Variants in CHRM2 observed in about 807,000 individuals in gnomAD.
The protein encoded by CHRM2 is cholinergic receptor muscarinic 2.
A neutral mutation model predicts 25.0 loss-of-function variants in CHRM2; 8 were observed. That is an observed-to-expected ratio of 0.32 (90% CI 0.19 to 0.58). The LOEUF is 0.58. CHRM2 is among the 20% of genes least tolerant of loss of function. The pLI, the probability that CHRM2 is intolerant of heterozygous loss-of-function variation, is 0.88. For missense variants in CHRM2, 440 were observed against 567.1 expected (o/e 0.78, Z 2.28); for synonymous variants, 202 against 205.7 (o/e 0.98, Z 0.15).
chr7:136,981,701 A>G lies in CHRM2; in HGVS notation c.-124-10486A>G, dbSNP rs558359758. Among the ~76,000 whole-genome samples, 157 of 152,134 alleles carry G rather than the reference A, an allele frequency of 1.0e-3. 1 individual carries two copies. The highest frequency in any genetic ancestry group is 3.7e-3 in the African/African-American group (154 of 41,494). ...TATTTATTTCTACCTTAATTTCGCT[A>G]TTTACCCAGTAGTTTTTCAGGAGTA... On this transcript the variant is annotated intron_variant, in intron 2 of 3. Coordinates refer to ENST00000680005, the MANE Select transcript of CHRM2 (RefSeq NM_001006630.2).
At chr7:136,927,462 T>C (rs1405162752) in intron 2 of CHRM2, among the ~76,000 whole-genome samples, 1 of 152,074 alleles carries the variant, frequency 6.6e-6, no homozygotes, top group African/African-American at 2.4e-5. Context: ...AACATTTGTT[T>C]TGGCACCAAA....
intron 2 of CHRM2, among the ~76,000 whole-genome samples, chr7:136,886,775 G>A (rs867881345): frequency 6.6e-6 from 1 of 152,132 alleles, no homozygotes; most frequent in South Asian, 2.1e-4. Flanking sequence ...GGGAGGCTGA[G>A]GGGGAGGATC....
chr7:136,979,580 T>C (rs1430165269), intron 2 of CHRM2, among the ~76,000 whole-genome samples: 1 of 152,242 alleles, frequency 6.6e-6, no homozygotes, highest in Non-Finnish European at 1.5e-5. Context: ...TGGTTTTATG[T>C]CTTACATTTA....
chr7:136,933,748 T>C (rs559362580), intron 2 of CHRM2, among the ~76,000 whole-genome samples: 1 of 152,266 alleles, frequency 6.6e-6, no homozygotes, highest in East Asian at 1.9e-4. Context: ...TAAAAAAGAA[T>C]ACAGCACTTA....
chr7:137,015,868 G>T lies in CHRM2; in HGVS notation c.1003G>T (p.Asp335Tyr). ...IRIGTKTPKS[D>Y]SCTPTNTTVE... ...AATTGGCACCAAGACCCCAAAAAGT[G>T]ACTCATGTACCCCAACTAATACCAC... Residue 335 changes from aspartate to tyrosine, a missense_variant, in exon 4 of 4, where the codon GAC becomes TAC. Asp to Tyr is a radical substitution (Grantham distance 160). Transcript: ENST00000680005. The surrounding 1 kb of genome is among the most constrained non-coding windows in gnomAD (Gnocchi z 5.1). 1 of 1,613,082 alleles carries T rather than the reference G, an allele frequency of 6.2e-7. No individual in the cohort carries two copies. Among genetic ancestry groups the T allele is most frequent in the Non-Finnish European group, 8.5e-7 (1 of 1,179,446 alleles).
chr7:136,961,193 T>G (rs1234043868), intron 2 of CHRM2, among the ~76,000 whole-genome samples: 1 of 152,126 alleles, frequency 6.6e-6, no homozygotes, highest in Non-Finnish European at 1.5e-5. Flanking sequence ...CATAAAACCA[T>G]TCTGTTTTCT....
At chr7:136,993,540 CA>C (rs1462378798) in intron 3 of CHRM2, among the ~76,000 whole-genome samples, 7 of 152,120 alleles carry the variant, frequency 4.6e-5, no homozygotes, top group African/African-American at 1.7e-4. Context: ...AATGAAGCCA[CA>C]ACCCCTTGAC....
chr7:136,987,279 G>T (rs1206447170), intron 2 of CHRM2, among the ~76,000 whole-genome samples: 1 of 152,162 alleles, frequency 6.6e-6, no homozygotes, highest in East Asian at 1.9e-4. Context: ...TTTGCTGCAA[G>T]ACAATCATTT....
intron 2 of CHRM2, among the ~76,000 whole-genome samples, chr7:136,893,237 T>A (rs1796764793): frequency 6.6e-6 from 1 of 152,104 alleles, no homozygotes; most frequent in Non-Finnish European, 1.5e-5. Flanking sequence ...ACCCAAATTT[T>A]CCCTAATCCG....
intron 3 of CHRM2, among the ~76,000 whole-genome samples, chr7:137,000,536 AAAAG>A (rs1279756530): frequency 2.9e-4 from 12 of 40,890 alleles, no homozygotes; most frequent in African/African-American, 9.7e-4. Context: ...AGAAAGAAAG[AAAAG>A]AAAGAAAGAA....
chr7:136,993,826 G>A (rs554053233), intron 3 of CHRM2, among the ~76,000 whole-genome samples: 1 of 152,132 alleles, frequency 6.6e-6, no homozygotes, highest in Admixed American at 6.5e-5. Context: ...TTCCATACCT[G>A]ATAATTTTTG....
At chr7:136,970,188 A>G (rs991818316) in intron 2 of CHRM2, among the ~76,000 whole-genome samples, 1 of 152,164 alleles carries the variant, frequency 6.6e-6, no homozygotes, top group Non-Finnish European at 1.5e-5. Flanking sequence ...TTCAGTCCAT[A>G]AGAAAATGTG....
chr7:137,007,138 T>C (rs771727411), intron 3 of CHRM2, among the ~76,000 whole-genome samples: 1 of 152,050 alleles, frequency 6.6e-6, no homozygotes, highest in Non-Finnish European at 1.5e-5. Flanking sequence ...TAGGAAAGGT[T>C]TCCAGGGAGC....
chr7:136,956,994 G>A lies in CHRM2; in HGVS notation c.-124-35193G>A, dbSNP rs560108226. Among the ~76,000 whole-genome samples, 11 of 152,226 alleles carry A rather than the reference G, an allele frequency of 7.2e-5. No homozygotes were observed. In the East Asian group the frequency reaches 1.2e-3, roughly 16 times the overall value. ...GGACTCACTGTTCAAGAAAGCTGGC[G>A]GGACTCCCCCTACTCCAAGGCCCCT... On this transcript the variant is annotated intron_variant, in intron 2 of 3. Coordinates refer to ENST00000680005, the MANE Select transcript of CHRM2 (RefSeq NM_001006630.2).
At chr7:136,963,088 G>C (rs2130901211) in intron 2 of CHRM2, among the ~76,000 whole-genome samples, 1 of 152,178 alleles carries the variant, frequency 6.6e-6, no homozygotes, top group East Asian at 1.9e-4. Context: ...AGAGTGAGAG[G>C]AGAACTGAGA....
chr7:136,877,508 C>A (rs1362523904), intron 2 of CHRM2, among the ~76,000 whole-genome samples: 1 of 152,002 alleles, frequency 6.6e-6, no homozygotes, highest in Non-Finnish European at 1.5e-5. Flanking sequence ...TCTCTGCATT[C>A]TTCTATCTGG....
chr7:136,873,219 G>A (rs1051954726), intron 2 of CHRM2, among the ~76,000 whole-genome samples: 4 of 152,122 alleles, frequency 2.6e-5, no homozygotes, highest in Non-Finnish European at 5.9e-5. Context: ...CAGGCATCAG[G>A]ACTTCTCTCA....
chr7:136,878,996 T>C (rs1433113306), intron 2 of CHRM2, among the ~76,000 whole-genome samples: 2 of 151,888 alleles, frequency 1.3e-5, no homozygotes, highest in African/African-American at 4.8e-5. Flanking sequence ...AATGAAGTCA[T>C]GAAAACAGAC....
At chr7:136,952,469 G>A (rs1449845949) in intron 2 of CHRM2, among the ~76,000 whole-genome samples, 3 of 152,102 alleles carry the variant, frequency 2.0e-5, no homozygotes, top group Non-Finnish European at 2.9e-5. Context: ...AATTGTTTAT[G>A]TACTTCAGTC....
Sources: gnomAD v4.1 joint callset for allele counts (sites outside exome capture counted in the v4.1 genomes callset) on GRCh38, gnomAD v4.1.1 for gene constraint, Gnocchi (gnomAD v3.1) non-coding constraint, MANE v1.5 for transcripts, NCBI Gene and HGNC (gene_info 2026-07-23, HGNC 2026-07-21) for gene names.